UTP20: variants seen among roughly 807,000 people sequenced by gnomAD.
UTP20 encodes small subunit processome component 20 homolog.
UTP20 carries 164 observed loss-of-function variants against 329.5 expected under a neutral mutation model. The observed-to-expected ratio is 0.50, with a 90% CI of 0.44 to 0.57. UTP20 has a LOEUF of 0.57. Ranked by LOEUF, UTP20 falls within the 20% of genes least tolerant of loss-of-function variation. UTP20 has a pLI of 0.00. For synonymous variants in UTP20, 1,151 were observed against 1,159.3 expected, an observed-to-expected ratio of 0.99 and a Z score of 0.14; for missense variants, 3,055 against 3,284.2, an observed-to-expected ratio of 0.93 and a Z score of 1.71.
intron 38 of UTP20, among the ~76,000 whole-genome samples, chr12:101,351,526 CTTTTTTTTTTT>C (rs753646442): frequency 8.5e-6 from 1 of 117,874 alleles, no homozygotes; most frequent in Non-Finnish European, 1.7e-5. Flanking sequence ...AGGCAGTGTA[CTTTTTTTTTTT>C]TTTTTTTTTT....
In UTP20 at chr12:101,383,021, C is replaced by G; in HGVS notation, c.7657-20C>G. 6.3e-7 allele frequency: 1 copy of G among 1,576,266 alleles called. No homozygotes were observed. Among genetic ancestry groups the G allele is most frequent in the Non-Finnish European group, 8.6e-7 (1 of 1,165,848 alleles). The stretch of plus-strand genomic sequence containing the variant: ...AAAATCAATGTCCAATTTCTTCCCC[C>G]ACCCCGTTTTTTTTTAAAGGTTGTT... On this transcript the variant is annotated intron_variant, in intron 58 of 61. Transcript: ENST00000261637.
At chr12:101,340,724 C>T (rs2137276357) in intron 32 of UTP20, 114 bp downstream of exon 32, 1 of 670,816 alleles carries the variant, frequency 1.5e-6, no homozygotes, top group East Asian at 2.9e-5. Flanking sequence ...TCGCAAGGAA[C>T]TTAAAATACT....
intron 2 of UTP20, among the ~76,000 whole-genome samples, chr12:101,281,742 G>A (rs113894946): frequency 8.8e-4 from 134 of 151,824 alleles, no homozygotes; most frequent in African/African-American, 2.7e-3. Flanking sequence ...GTCTCGCTCC[G>A]TCTCCAGGTT....
At chr12:101,353,353 T>C (rs1394834498) in intron 40 of UTP20, among the ~76,000 whole-genome samples, 1 of 152,172 alleles carries the variant, frequency 6.6e-6, no homozygotes, top group Non-Finnish European at 1.5e-5. Context: ...AGTGAAAAAA[T>C]GTGAGCTGTA....
At chr12:101,283,127 A>C (rs959933721) in intron 2 of UTP20, among the ~76,000 whole-genome samples, 1 of 152,228 alleles carries the variant, frequency 6.6e-6, no homozygotes, top group African/African-American at 2.4e-5. Flanking sequence ...TCAGAGGTGA[A>C]ATTACAGATT....
chr12:101,365,999 G>C (rs1870085180), intron 46 of UTP20, among the ~76,000 whole-genome samples: 1 of 152,204 alleles, frequency 6.6e-6, no homozygotes, highest in African/African-American at 2.4e-5. Flanking sequence ...GGGAAGCTAA[G>C]GAGGGCAGAT....
At chr12:101,374,046 T>TA in intron 54 of UTP20, among the ~76,000 whole-genome samples, 1 of 151,888 alleles carries the variant, frequency 6.6e-6, no homozygotes, top group South Asian at 2.1e-4. Flanking sequence ...CCATCCCGGC[T>TA]AAAACGGTGA....
chr12:101,329,570 A>T, intron 27 of UTP20, 121 bp downstream of exon 27: 2 of 953,874 alleles, frequency 2.1e-6, no homozygotes, highest in Non-Finnish European at 3.0e-6. Context: ...TGATCCCAGA[A>T]CAAAGCCCAA....
At chr12:101,293,314 A>G in intron 11 of UTP20, 69 bp downstream of exon 11, 1 of 1,417,400 alleles carries the variant, frequency 7.1e-7, no homozygotes, top group Non-Finnish European at 9.9e-7. Flanking sequence ...TCAAATTTGA[A>G]ATCCTGTTAT....
chr12:101,283,501 C>T (rs1007890221), intron 2 of UTP20, among the ~76,000 whole-genome samples: 2 of 152,178 alleles, frequency 1.3e-5, no homozygotes, highest in East Asian at 3.8e-4. Flanking sequence ...GGTGAGGAAA[C>T]AGACTCCGTC....
At chr12:101,294,032 TTTTC>T (rs988463628) in intron 11 of UTP20, among the ~76,000 whole-genome samples, 6 of 152,134 alleles carry the variant, frequency 3.9e-5, no homozygotes, top group African/African-American at 9.7e-5. Flanking sequence ...ATTTTTTTTC[TTTTC>T]TTTCTTCTTT....
intron 17 of UTP20, among the ~76,000 whole-genome samples, chr12:101,307,280 T>C (rs1464663045): frequency 7.2e-6 from 1 of 139,108 alleles, no homozygotes; most frequent in Admixed American, 7.4e-5. Context: ...AAATATTCTT[T>C]CAAACTTTTT....
chr12:101,312,280 A>T lies in UTP20; in HGVS notation c.2552+4A>T, dbSNP rs774404147. On this transcript the variant is annotated splice_donor_region_variant and intron_variant, in intron 21 of 61. Transcript: ENST00000261637. Reference sequence around the variant, plus strand: ...CGCTTTTCTTGAGATTTATCAAGTAAGTTTCCTCTTCTAAGAATATGTCCC... The same window carrying T: ...CGCTTTTCTTGAGATTTATCAAGTATGTTTCCTCTTCTAAGAATATGTCCC... 1 of 1,613,730 alleles carries T rather than the reference A, an allele frequency of 6.2e-7. No individual in the cohort carries two copies.
At chr12:101,308,097 A>T in intron 17 of UTP20, 88 bp from the exon 18 acceptor site, 1 of 1,214,602 alleles carries the variant, frequency 8.2e-7, no homozygotes. Context: ...CAGTTTTTCT[A>T]TTTTTAGACC....
chr12:101,339,063 A>G, intron 31 of UTP20, 106 bp downstream of exon 31: 1 of 1,227,586 alleles, frequency 8.1e-7, no homozygotes, highest in Non-Finnish European at 1.1e-6. Context: ...CTGTAATCCC[A>G]GCACTTTGGG....
In UTP20 at chr12:101,385,596, G is replaced by T; in HGVS notation, c.8070G>T (p.Lys2690Asn). 6.2e-7 allele frequency: 1 copy of T among 1,612,064 alleles called. No individual in the cohort carries two copies. Among genetic ancestry groups the T allele is most frequent in the South Asian group, 1.1e-5 (1 of 90,480 alleles). Reference sequence around the variant, plus strand: ...GTGTGTGATTAGATCCTTTGCTGAAGAATCTATCCCAGGAAATCATAGAAT... The same window carrying T: ...GTGTGTGATTAGATCCTTTGCTGAATAATCTATCCCAGGAAATCATAGAAT... ...STYSEQDPLL[K>N]NLSQEIIELL... The change falls in exon 61 of 62, where the codon AAG becomes AAT. Residue 2690 changes from lysine to asparagine, a missense_variant. Physicochemically the swap from Lys to Asn is moderately conservative, Grantham distance 94. Around this residue, in one of 3 missense-constraint regions of UTP20, gnomAD observed 337 missense variants for 345.5 expected, o/e 0.98. Transcript: ENST00000261637.
intron 26 of UTP20, among the ~76,000 whole-genome samples, chr12:101,328,512 A>G (rs1307032514): frequency 6.7e-6 from 1 of 148,906 alleles, no homozygotes; most frequent in African/African-American, 2.4e-5. Flanking sequence ...AGTTACTTCT[A>G]GTAAAACTGC....
intron 51 of UTP20, 105 bp from the exon 52 acceptor site, chr12:101,372,779 C>A: frequency 1.2e-6 from 1 of 846,348 alleles, no homozygotes; most frequent in Non-Finnish European, 1.9e-6. Flanking sequence ...GATTGCCATT[C>A]TGTAAAGTTT....
rs183136824 is a variant in UTP20 at position 101,306,500 on chromosome 12, A to G, written c.1933-199A>G. ...TATAGTGTCATAGTTCAAAGAAACT[A>G]CTGATTGTTCCATGTACTATTTTAA... On this transcript the variant is annotated intron_variant, in intron 16 of 61. Transcript: ENST00000261637. 3.7e-3 allele frequency among the ~76,000 whole-genome samples: 560 copies of G among 152,320 alleles called. 3 individuals carry two copies. The highest frequency in any genetic ancestry group is 6.5e-3 in the Admixed American group (99 of 15,308).
Sources: gnomAD v4.1 joint callset for allele counts (sites outside exome capture counted in the v4.1 genomes callset) on GRCh38, gnomAD v4.1.1 for gene constraint, gnomAD v4.1.1 regional missense constraint, MANE v1.5 for transcripts, NCBI Gene and HGNC (gene_info 2026-07-23, HGNC 2026-07-21) for gene names.